The following KLHL3 variants were observed in gnomAD, a reference collection of about 807,000 sequenced individuals.
KLHL3 encodes kelch like family member 3, also known as kelch-like protein 3.
In KLHL3, 19 loss-of-function variants were observed where a neutral mutation model predicts 70.5. The observed-to-expected ratio is 0.27, with a 90% CI of 0.19 to 0.40. The LOEUF is 0.40. Among genes scored for constraint, KLHL3 ranks in the 10% least tolerant of loss-of-function variants. KLHL3 has a pLI of 1.00. For missense variants in KLHL3, 512 were observed against 771.1 expected, an observed-to-expected ratio of 0.66 and a Z score of 3.98; for synonymous variants, 258 against 290.3, an observed-to-expected ratio of 0.89 and a Z score of 1.13.
intron 13 of KLHL3, 80 bp downstream of exon 13, chr5:137,628,217 T>C: frequency 1.9e-6 from 3 of 1,539,702 alleles, no homozygotes; most frequent in Non-Finnish European, 2.7e-6. Flanking sequence ...CTGGGAAATC[T>C]CCCTGCTGTT....
At chr5:137,669,204 C>G (rs909204040) in intron 6 of KLHL3, among the ~76,000 whole-genome samples, 2 of 152,080 alleles carry the variant, frequency 1.3e-5, no homozygotes. Context: ...GCACACTGCA[C>G]ATTTCATTCA....
chr5:137,736,033 C>T lies in KLHL3; in HGVS notation c.-387G>A, dbSNP rs1445218852. ...CTGCATCTGCCCAGGCATCCCCAGC[C>T]CAGGCGATTAGCCCGCCCCTGGGGC... is the stretch of plus-strand genomic sequence containing the variant. On this transcript the variant is annotated 5_prime_UTR_variant, in exon 1 of 15. Coordinates refer to ENST00000309755, the MANE Select transcript of KLHL3 (RefSeq NM_017415.3). 3 of 355,378 alleles carry T rather than the reference C, an allele frequency of 8.4e-6. No homozygotes were observed. The highest frequency in any genetic ancestry group is 3.7e-5 in the Admixed American group (1 of 26,786). 22.0% of individuals were successfully genotyped at this position (355,378 alleles called of 1,614,324 possible).
chr5:137,699,305 G>A (rs531832041), intron 3 of KLHL3, among the ~76,000 whole-genome samples: 29 of 152,274 alleles, frequency 1.9e-4, no homozygotes, highest in African/African-American at 6.3e-4. Flanking sequence ...GTGAAATGGC[G>A]AGAGGTTGGT....
chr5:137,665,644 A>G (rs941362566), intron 6 of KLHL3, among the ~76,000 whole-genome samples: 1 of 152,202 alleles, frequency 6.6e-6, no homozygotes, highest in African/African-American at 2.4e-5. Flanking sequence ...CTAAGGAAAA[A>G]AACTACAACA....
At chr5:137,677,718 T>C in intron 5 of KLHL3, 64 bp from the exon 6 acceptor site, 1 of 1,008,386 alleles carries the variant, frequency 9.9e-7, no homozygotes, top group Non-Finnish European at 1.4e-6. Context: ...TGCCCTTCCA[T>C]GACAATCTGT....
chr5:137,698,577 C>T (rs1315877829), intron 3 of KLHL3, among the ~76,000 whole-genome samples, 169 bp from the exon 4 acceptor site: 1 of 152,196 alleles, frequency 6.6e-6, no homozygotes, highest in East Asian at 1.9e-4. Context: ...ACATCAAGGT[C>T]ACATCAGCTT....
chr5:137,628,059 C>T (rs1040538890), intron 13 of KLHL3: 2 of 533,792 alleles, frequency 3.7e-6, no homozygotes, highest in Non-Finnish European at 6.7e-6. Context: ...AAGTCATCAC[C>T]CTTCACTGCG....
intron 2 of KLHL3, among the ~76,000 whole-genome samples, chr5:137,714,776 G>A (rs1043185754): frequency 6.6e-6 from 1 of 152,190 alleles, no homozygotes. Context: ...CGGGTAAATT[G>A]TATGGCATCT....
At chr5:137,713,948 A>G (rs907258829) in intron 2 of KLHL3, among the ~76,000 whole-genome samples, 1 of 152,126 alleles carries the variant, frequency 6.6e-6, no homozygotes, top group Non-Finnish European at 1.5e-5. Context: ...ATATGTACAC[A>G]TGTGCCATGT....
At chr5:137,644,018 T>C (rs1005162137) in intron 8 of KLHL3, among the ~76,000 whole-genome samples, 3 of 152,136 alleles carry the variant, frequency 2.0e-5, no homozygotes, top group African/African-American at 7.2e-5. Flanking sequence ...TCATTTAACA[T>C]AATGTTCTCC....
intron 6 of KLHL3, among the ~76,000 whole-genome samples, chr5:137,675,047 C>T (rs904457886): frequency 6.6e-6 from 1 of 152,198 alleles, no homozygotes; most frequent in African/African-American, 2.4e-5. Context: ...CTCAAAATTA[C>T]ACTGCCAACC....
At chr5:137,726,806 A>T (rs1424822241) in intron 1 of KLHL3, among the ~76,000 whole-genome samples, 1 of 152,198 alleles carries the variant, frequency 6.6e-6, no homozygotes, top group Non-Finnish European at 1.5e-5. Flanking sequence ...ACTTGTCTTT[A>T]CAAGCGTTAG....
At chr5:137,735,014 T>C (rs1753238142) in intron 1 of KLHL3, among the ~76,000 whole-genome samples, 1 of 152,210 alleles carries the variant, frequency 6.6e-6, no homozygotes, top group Admixed American at 6.5e-5. Context: ...AGCACAGACC[T>C]TCCAGTATCA....
intron 11 of KLHL3, among the ~76,000 whole-genome samples, chr5:137,636,959 G>C (rs1315743629): frequency 6.6e-6 from 1 of 152,148 alleles, no homozygotes; most frequent in Non-Finnish European, 1.5e-5. Flanking sequence ...ATCCTCCTGG[G>C]TTATATGCTG....
At chr5:137,709,442 G>T (rs568291632) in intron 3 of KLHL3, among the ~76,000 whole-genome samples, 1 of 152,318 alleles carries the variant, frequency 6.6e-6, no homozygotes, top group Admixed American at 6.5e-5. Context: ...CTGGCCATGT[G>T]CCCAGGAGTC....
At chr5:137,637,423 C>T (rs753678944) in intron 10 of KLHL3, 28 bp from the exon 11 acceptor site, 3 of 1,600,490 alleles carry the variant, frequency 1.9e-6, no homozygotes, top group Non-Finnish European at 2.6e-6. Flanking sequence ...CATGAGACTT[C>T]CGTGGCACCA....
intron 2 of KLHL3, among the ~76,000 whole-genome samples, chr5:137,715,572 CA>C (rs1752876995): frequency 6.6e-6 from 1 of 152,192 alleles, no homozygotes; most frequent in East Asian, 1.9e-4. Flanking sequence ...CATGCGAATA[CA>C]AGCTTCACTA....
intron 5 of KLHL3, among the ~76,000 whole-genome samples, chr5:137,686,089 T>C (rs1276923399): frequency 2.0e-5 from 3 of 152,048 alleles, no homozygotes; most frequent in Non-Finnish European, 4.4e-5. Flanking sequence ...TACAGACAAG[T>C]GAAGGCAAAG....
chr5:137,626,030 C>A lies in KLHL3; in HGVS notation c.1592-134G>T, dbSNP rs1043781064. On this transcript the variant is annotated intron_variant, in intron 13 of 14. Coordinates refer to ENST00000309755, the MANE Select transcript of KLHL3 (RefSeq NM_017415.3). Reference sequence around the variant, plus strand: ...ATGGCAATACAACAGAGATTTGGCTCCACAGGTTTGAGTTTGCTAAGTGAA... The same window carrying A: ...ATGGCAATACAACAGAGATTTGGCTACACAGGTTTGAGTTTGCTAAGTGAA... The A allele has an allele frequency of 7.3e-6, 8 of 1,103,156 alleles. No homozygotes were observed. In the East Asian group the frequency reaches 1.8e-4, roughly 24 times the overall value. The allele number at this position is 1,103,156 out of a possible 1,614,324, so 68.3% of individuals were successfully genotyped here.
Sources: gnomAD v4.1 joint callset for allele counts (sites outside exome capture counted in the v4.1 genomes callset) on GRCh38, gnomAD v4.1.1 for gene constraint, MANE v1.5 for transcripts, NCBI Gene and HGNC (gene_info 2026-07-23, HGNC 2026-07-21) for gene names.